The following MCM10 variants were observed in gnomAD, a reference collection of about 807,000 sequenced individuals.
MCM10 encodes the protein minichromosome maintenance 10 replication initiation factor.
A neutral mutation model predicts 109.9 loss-of-function variants in MCM10; 91 were observed. The ratio of observed to expected loss-of-function variants is 0.83; its 90% CI spans 0.70 to 0.99. MCM10 has a LOEUF of 0.99. MCM10 is among the 50% of genes least tolerant of loss of function. MCM10 has a pLI of 0.00. For synonymous variants in MCM10, 380 were observed against 387.2 expected (o/e 0.98, Z 0.22); for missense variants, 1,077 against 1,061.2 (o/e 1.01, Z -0.21).
intron 7 of MCM10, 32 bp downstream of exon 7, chr10:13,180,639 T>C: frequency 3.1e-6 from 5 of 1,609,152 alleles, no homozygotes; most frequent in Non-Finnish European, 4.2e-6. Flanking sequence ...TTAGCTGTTT[T>C]ACTACAAACT....
chr10:13,194,969 G>A, intron 13 of MCM10, 72 bp from the exon 14 acceptor site: 1 of 1,419,898 alleles, frequency 7.0e-7, no homozygotes, highest in Non-Finnish European at 9.7e-7. Context: ...CCGCCTCCCA[G>A]TCCACTTTGA....
chr10:13,166,658 AT>A, intron 2 of MCM10, among the ~76,000 whole-genome samples: 1 of 27,288 alleles, frequency 3.7e-5, no homozygotes, highest in Non-Finnish European at 1.1e-4. Flanking sequence ...AAATACATAC[AT>A]ACATATATAT....
chr10:13,168,272 T>C (rs1834028017), intron 2 of MCM10, among the ~76,000 whole-genome samples: 1 of 152,234 alleles, frequency 6.6e-6, no homozygotes, highest in African/African-American at 2.4e-5. Context: ...TTGGAGTCTT[T>C]GTGGACTAAG....
intron 2 of MCM10, among the ~76,000 whole-genome samples, chr10:13,165,781 T>A (rs1476900713): frequency 9.2e-4 from 137 of 148,642 alleles, no homozygotes; most frequent in African/African-American, 3.4e-3. Flanking sequence ...AGGCTGAGGC[T>A]GGAGGATCAC....
At position 13,182,342 on chromosome 10, in the gene MCM10, A is replaced by G. The variant is rs1309322836; in HGVS notation, c.931-591A>G. ...AAAAAAAAAATTAGCTGGGGCTGGT[A>G]GCACATGCCTGTAGTCCCAGCTGCT... On this transcript the variant is annotated intron_variant, in intron 7 of 19. Coordinates refer to ENST00000378714, the MANE Select transcript of MCM10 (RefSeq NM_018518.5). The surrounding 1 kb of genome is among the most constrained non-coding windows in gnomAD (Gnocchi z 4.2). 1.3e-5 allele frequency among the ~76,000 whole-genome samples: 2 copies of G among 152,014 alleles called. No individual in the cohort carries two copies. The highest frequency in any genetic ancestry group is 1.3e-4 in the Admixed American group (2 of 15,262).
intron 18 of MCM10, among the ~76,000 whole-genome samples, chr10:13,208,727 A>T (rs1014112435): frequency 1.3e-5 from 2 of 152,190 alleles, no homozygotes; most frequent in African/African-American, 2.4e-5. Context: ...AACATAGATT[A>T]TCCTGCACCA....
At chr10:13,166,659 T>TAC (rs1465480979) in intron 2 of MCM10, among the ~76,000 whole-genome samples, 1 of 68,610 alleles carries the variant, frequency 1.5e-5, no homozygotes, top group South Asian at 6.2e-4. Context: ...AATACATACA[T>TAC]ACATATATAT....
At chr10:13,168,974 T>C (rs903351490) in intron 2 of MCM10, among the ~76,000 whole-genome samples, 1 of 152,204 alleles carries the variant, frequency 6.6e-6, no homozygotes, top group African/African-American at 2.4e-5. Flanking sequence ...AAGCTAGTAA[T>C]TTGCACGGAT....
Position 13,186,066 on chromosome 10 carries a change from CCTT to C in MCM10, c.1099-94_1099-92del, listed in dbSNP as rs140010417. 3.1e-3 allele frequency: 2,195 copies of C among 712,118 alleles called. 34 individuals are homozygous for C. The African/African-American group carries it at 0.034, about 11-fold the overall frequency. 44.1% of individuals were successfully genotyped at this position (712,118 alleles called of 1,614,324 possible). ...TGTGAGCCACTGCGCCTGGCAATAA[CCTT>C]CTTAAATCAGCACCAACCATTCTTT... On this transcript the variant is annotated intron_variant, in intron 8 of 19. Transcript: ENST00000378714.
chr10:13,171,390 AAAAG>A (rs1834071723), intron 3 of MCM10, 127 bp downstream of exon 3: 5 of 907,224 alleles, frequency 5.5e-6, no homozygotes, highest in Non-Finnish European at 8.1e-6. Flanking sequence ...AAAAAAGAAA[AAAAG>A]AAAGAAAATT....
rs746837274 is a variant in MCM10, at chr10:13,201,443, G to A, written c.2261G>A (p.Arg754His). ...CAGGCCGAGGCTGAGATGCAGGAGCGCTACTTTGAGCCACTGGTGAAAAAA... is the reference window on the plus strand; with the variant it reads ...CAGGCCGAGGCTGAGATGCAGGAGCACTACTTTGAGCCACTGGTGAAAAAA... ...LKEAEAEMQE[R>H]YFEPLVKKEQ... The change falls in exon 17 of 20, where the codon CGC becomes CAC. Residue 754 changes from arginine to histidine, a missense_variant. Coordinates refer to ENST00000378714, the MANE Select transcript of MCM10 (RefSeq NM_018518.5). 1.7e-5 allele frequency: 28 copies of A among 1,612,592 alleles called. No individual in the cohort carries two copies. The highest frequency in any genetic ancestry group is 1.7e-4 in the Admixed American group (10 of 59,904).
rs770363200 is a variant in MCM10, at chr10:13,209,479, A to G, written c.*169A>G. The G allele has an allele frequency of 1.1e-5, 7 of 612,728 alleles. No homozygotes were observed. The highest frequency in any genetic ancestry group is 1.5e-5 in the Non-Finnish European group (5 of 344,032). 38.0% of individuals were successfully genotyped at this position (612,728 alleles called of 1,614,324 possible). A position where few individuals can be genotyped will look rare whatever the true frequency, so the allele number is the denominator to read the frequency against. ...CTTTCTGCCATTGGGTTGGTTTGAT[A>G]CCACATTTAACATTGACATTTAAGT... is the stretch of plus-strand genomic sequence containing the variant. On this transcript the variant is annotated 3_prime_UTR_variant, in exon 20 of 20. Coordinates refer to ENST00000378714, the MANE Select transcript of MCM10 (RefSeq NM_018518.5).
At chr10:13,202,173 A>G (rs1834508982) in intron 17 of MCM10, among the ~76,000 whole-genome samples, 1 of 152,190 alleles carries the variant, frequency 6.6e-6, no homozygotes, top group Admixed American at 6.5e-5. Flanking sequence ...AACCCGGGCA[A>G]CATCGTGAGA....
rs553314304 is a variant in MCM10, at chr10:13,182,729, A to G, written c.931-204A>G. On this transcript the variant is annotated intron_variant, in intron 7 of 19. Coordinates refer to ENST00000378714, the MANE Select transcript of MCM10 (RefSeq NM_018518.5). This position sits in a 1 kb window ranked among gnomAD's most constrained non-coding sequence, Gnocchi z 4.2. ...TGCTTTATTTCACTTTCATCTCTAAAATGAGAAGGGTAATAGAATGCAAAA... is the reference window on the plus strand; with the variant it reads ...TGCTTTATTTCACTTTCATCTCTAAGATGAGAAGGGTAATAGAATGCAAAA... 4.6e-5 allele frequency among the ~76,000 whole-genome samples: 7 copies of G among 152,210 alleles called. No individual in the cohort carries two copies. Among genetic ancestry groups the G allele is most frequent in the African/African-American group, 1.7e-4 (7 of 41,528 alleles).
intron 16 of MCM10, among the ~76,000 whole-genome samples, chr10:13,200,367 C>T (rs1834481471): frequency 1.3e-5 from 2 of 152,142 alleles, no homozygotes; most frequent in African/African-American, 4.8e-5. Flanking sequence ...GCACCCCGGT[C>T]CCTGCCAGCC....
intron 10 of MCM10, among the ~76,000 whole-genome samples, chr10:13,189,450 G>C (rs1834319164): frequency 6.6e-6 from 1 of 152,086 alleles, no homozygotes. Flanking sequence ...AGCCTCCTGA[G>C]TAGCTGGGAC....
In MCM10 at chr10:13,166,650, ATACAT is replaced by A. The variant is rs1282697088; in HGVS notation, c.7+2442_7+2446del. On this transcript the variant is annotated intron_variant, in intron 2 of 19. Coordinates refer to ENST00000378714, the MANE Select transcript of MCM10 (RefSeq NM_018518.5). Reference sequence around the variant, plus strand: ...AACTCTGTCTCAAAAAAAAAAAAAAATACATACATACATATATATATATATATATA... The same window carrying A: ...AACTCTGTCTCAAAAAAAAAAAAAAAACATACATATATATATATATATATA... 4.1e-4 allele frequency among the ~76,000 whole-genome samples: 39 copies of A among 94,468 alleles called. 1 individual carries two copies. The highest frequency in any genetic ancestry group is 6.5e-4 in the Non-Finnish European group (33 of 50,544). 62.0% of individuals were successfully genotyped at this position (94,468 alleles called of 152,430 possible).
chr10:13,186,017 C>T (rs1834269988), intron 8 of MCM10, 147 bp from the exon 9 acceptor site: 1 of 560,640 alleles, frequency 1.8e-6, no homozygotes, highest in East Asian at 3.1e-5. Context: ...CTGCCTCGGC[C>T]TCCCAGAGTG....
intron 2 of MCM10, among the ~76,000 whole-genome samples, chr10:13,166,294 T>C (rs1833995855): frequency 6.6e-6 from 1 of 152,002 alleles, no homozygotes; most frequent in South Asian, 2.1e-4. Flanking sequence ...CGTTCAGAGT[T>C]GGGAGTGAAG....
Sources: allele counts gnomAD v4.1 joint callset (sites outside exome capture counted in the v4.1 genomes callset), GRCh38; gene constraint gnomAD v4.1.1; non-coding constraint Gnocchi (gnomAD v3.1); transcripts MANE v1.5; gene names NCBI Gene and HGNC (gene_info 2026-07-23, HGNC 2026-07-21).